Variants in ACTR3C observed in about 807,000 individuals in gnomAD.
ACTR3C encodes the protein actin-related protein 3C.
ACTR3C carries 18 observed loss-of-function variants against 26.3 expected under a neutral mutation model. That is an observed-to-expected ratio of 0.68 (90% CI 0.47 to 1.01). The LOEUF is 1.01. ACTR3C is among the 50% of genes least tolerant of loss of function. The pLI is 0.00. For missense variants in ACTR3C, 184 were observed against 250.7 expected (o/e 0.73, Z 1.80); for synonymous variants, 55 against 94.5 (o/e 0.58, Z 2.42).
chr7:150,050,047 T>C, the ACTR3C span, among the ~76,000 whole-genome samples: 1 of 151,962 alleles, frequency 6.6e-6, no homozygotes, highest in Admixed American at 6.6e-5. Context: ...CACAATTAGA[T>C]AGATAGAAAA....
chr7:149,947,767 G>T, the ACTR3C span, among the ~76,000 whole-genome samples: 2 of 144,844 alleles, frequency 1.4e-5, no homozygotes, highest in Admixed American at 6.6e-5. Context: ...CTATCCTGGG[G>T]GTTCACGGAC....
chr7:150,117,607 C>T, the ACTR3C span, among the ~76,000 whole-genome samples: 1 of 152,226 alleles, frequency 6.6e-6, no homozygotes, highest in African/African-American at 2.4e-5. Context: ...ATAAAACTCC[C>T]ATCTCCCTGA....
the ACTR3C span, among the ~76,000 whole-genome samples, chr7:150,184,297 C>T: frequency 1.3e-5 from 2 of 150,842 alleles, no homozygotes; most frequent in Non-Finnish European, 2.9e-5. Flanking sequence ...CCACATTCTG[C>T]ATTTCAGCAA....
At chr7:150,011,541 C>T in the ACTR3C span, among the ~76,000 whole-genome samples, 4 of 152,228 alleles carry the variant, frequency 2.6e-5, no homozygotes, top group South Asian at 2.1e-4. Flanking sequence ...GCCAAGATCG[C>T]GCCATTGCAT....
At chr7:150,125,944 C>T in the ACTR3C span, among the ~76,000 whole-genome samples, 11 of 152,232 alleles carry the variant, frequency 7.2e-5, no homozygotes, top group Admixed American at 1.3e-4. Context: ...GCTGCAGGCT[C>T]GGTTCTGGTT....
rs548765316 is a variant in ACTR3C, at chr7:150,304,893, G to A, written c.-51-9546C>T. On this transcript the variant is annotated intron_variant, in intron 1 of 7. Transcript: ENST00000683684. ...AATGAGGCCAAATATGAGAGCAGGC[G>A]AAATAACTCCATGAGTGATACAATG... 1.6e-4 allele frequency among the ~76,000 whole-genome samples: 24 copies of A among 151,446 alleles called. No individual in the cohort carries two copies. The South Asian group carries it at 3.5e-3, about 22-fold the overall frequency.
the ACTR3C span, chr7:150,002,555 AT>A: frequency 6.6e-6 from 1 of 152,180 alleles, no homozygotes; most frequent in African/African-American, 2.4e-5. Context: ...ATGTTTATGA[AT>A]TTGTATCGCA....
chr7:150,098,509 C>T, the ACTR3C span, among the ~76,000 whole-genome samples: 12 of 151,926 alleles, frequency 7.9e-5, 1 homozygote, highest in Non-Finnish European at 1.3e-4. Flanking sequence ...TGATGGTTCA[C>T]TCAAGCTACA....
chr7:150,041,542 T>A, the ACTR3C span: 1 of 201,282 alleles, frequency 5.0e-6, no homozygotes, highest in Non-Finnish European at 8.0e-6. Flanking sequence ...AGTCCCCGCC[T>A]CGCGGGGGGT....
the ACTR3C span, among the ~76,000 whole-genome samples, chr7:150,037,720 C>CGG: frequency 1.1e-5 from 1 of 87,768 alleles, no homozygotes; most frequent in African/African-American, 4.9e-5. Context: ...GGTCCTAAGC[C>CGG]AGGGGGGAAG....
At chr7:150,015,427 C>A in the ACTR3C span, among the ~76,000 whole-genome samples, 1 of 152,166 alleles carries the variant, frequency 6.6e-6, no homozygotes, top group Non-Finnish European at 1.5e-5. Flanking sequence ...AAGTAAACAT[C>A]CATTTTCCAT....
chr7:150,156,080 G>T, the ACTR3C span, among the ~76,000 whole-genome samples: 1 of 150,624 alleles, frequency 6.6e-6, no homozygotes, highest in South Asian at 2.1e-4. Context: ...TGGGTGAGCT[G>T]GTCTCCACAG....
At chr7:150,259,289 GA>G (rs1278829263) in intron 6 of ACTR3C, among the ~76,000 whole-genome samples, 1 of 132,210 alleles carries the variant, frequency 7.6e-6, no homozygotes, top group Admixed American at 7.1e-5. Flanking sequence ...AAGAAAGAAA[GA>G]AAAAGAAAGA....
chr7:150,175,815 C>CAAAAAAAAAAA, the ACTR3C span, among the ~76,000 whole-genome samples: 1 of 46,240 alleles, frequency 2.2e-5, no homozygotes, highest in Non-Finnish European at 4.2e-5. Context: ...TCCATCTGAA[C>CAAAAAAAAAAA]AAAAAAAAAA....
chr7:150,110,691 G>A, the ACTR3C span, among the ~76,000 whole-genome samples: 2 of 150,598 alleles, frequency 1.3e-5, no homozygotes, highest in Non-Finnish European at 3.0e-5. Context: ...ATCAGTGGTG[G>A]GGCTGGCAGG....
the ACTR3C span, among the ~76,000 whole-genome samples, chr7:150,213,444 TAAC>T: frequency 6.6e-6 from 1 of 152,084 alleles, no homozygotes; most frequent in Non-Finnish European, 1.5e-5. Flanking sequence ...TGAAGGTCAA[TAAC>T]AAAGCTTCAT....
chr7:150,242,895 C>T (rs540092546), downstream of ACTR3C, among the ~76,000 whole-genome samples: 41 of 152,246 alleles, frequency 2.7e-4, no homozygotes, highest in Non-Finnish European at 4.6e-4. Flanking sequence ...TTAGTTTTTT[C>T]AGCAAGAATT....
chr7:149,890,367 T>C, the ACTR3C span, among the ~76,000 whole-genome samples: 43 of 149,936 alleles, frequency 2.9e-4, no homozygotes, highest in African/African-American at 9.1e-4. Context: ...AGGAGATATT[T>C]CTTCTCATTT....
At chr7:150,026,519 C>T in the ACTR3C span, among the ~76,000 whole-genome samples, 1 of 149,646 alleles carries the variant, frequency 6.7e-6, no homozygotes, top group African/African-American at 2.5e-5. Flanking sequence ...CAGAGTTTGG[C>T]CCATGGGTAA....
Sources: allele counts gnomAD v4.1 joint callset (sites outside exome capture counted in the v4.1 genomes callset), GRCh38; gene constraint gnomAD v4.1.1; transcripts MANE v1.5; gene names NCBI Gene and HGNC (gene_info 2026-07-23, HGNC 2026-07-21).